PML: variants seen among roughly 807,000 people sequenced by gnomAD.
The protein encoded by PML is protein PML.
A neutral mutation model predicts 65.2 loss-of-function variants in PML; 28 were observed. The ratio of observed to expected loss-of-function variants is 0.43; its 90% CI spans 0.32 to 0.59. The LOEUF is 0.59. PML is among the 20% of genes least tolerant of loss of function. PML has a pLI of 0.08. For missense variants in PML, 1,021 were observed against 1,203.4 expected, an observed-to-expected ratio of 0.85 and a Z score of 2.24; for synonymous variants, 500 against 508.8, an observed-to-expected ratio of 0.98 and a Z score of 0.23.
At chr15:74,030,176 G>C (rs967625027) in intron 4 of PML, among the ~76,000 whole-genome samples, 13 of 152,188 alleles carry the variant, frequency 8.5e-5, no homozygotes, top group African/African-American at 2.7e-4. Flanking sequence ...CCACACAGGA[G>C]GGACAGAGCT....
chr15:73,999,658 A>G (rs1388810763), intron 2 of PML, among the ~76,000 whole-genome samples: 4 of 152,134 alleles, frequency 2.6e-5, no homozygotes, highest in African/African-American at 4.8e-5. Flanking sequence ...GGGACTAATT[A>G]AAGAATTCAG....
intron 5 of PML, 146 bp downstream of exon 5, chr15:74,032,861 C>A: frequency 1.1e-6 from 1 of 925,016 alleles, no homozygotes; most frequent in Non-Finnish European, 1.7e-6. Flanking sequence ...CTGTGCTCTC[C>A]CCTGTTCTTG....
intron 2 of PML, among the ~76,000 whole-genome samples, chr15:74,001,032 G>C (rs569914274): frequency 2.0e-4 from 30 of 152,064 alleles, no homozygotes; most frequent in African/African-American, 7.2e-4. Context: ...ATCTGTTTTG[G>C]CTCTTGTGTC....
Position 73,998,398 on chromosome 15 carries a change from G to A in PML, c.524G>A (p.Arg175His), listed in dbSNP as rs781633419. 2 of 1,613,932 alleles carry A rather than the reference G, an allele frequency of 1.2e-6. No individual in the cohort carries two copies. Among genetic ancestry groups the A allele is most frequent in the African/African-American group, 1.3e-5 (1 of 74,924 alleles). The change falls in exon 2 of 9, where the codon CGT becomes CAT. Residue 175 changes from arginine to histidine, a missense_variant. Coordinates refer to ENST00000268058, the MANE Select transcript of PML (RefSeq NM_033238.3). ...PLAELRNQSV[R>H]EFLDGTRKTN... ...GCAGAGCTGCGCAACCAGTCGGTGC[G>A]TGAGTTCCTGGACGGCACCCGCAAG...
chr15:73,997,698 A>T (rs2069573622), intron 1 of PML, among the ~76,000 whole-genome samples: 1 of 152,190 alleles, frequency 6.6e-6, no homozygotes, highest in Admixed American at 6.5e-5. Flanking sequence ...TGAGGTTGGT[A>T]CTTAGTGTAT....
At chr15:74,027,961 C>A (rs1441931714) in intron 4 of PML, 3 of 152,214 alleles carry the variant, frequency 2.0e-5, no homozygotes, top group African/African-American at 7.2e-5. Context: ...CGTGTTTCTG[C>A]CTTAGAAGGC....
At chr15:73,995,912 C>G (rs958754913) in intron 1 of PML, among the ~76,000 whole-genome samples, 4 of 152,056 alleles carry the variant, frequency 2.6e-5, no homozygotes, top group African/African-American at 4.8e-5. Flanking sequence ...CGCCACCATA[C>G]CTGGCTATTT....
At chr15:74,025,252 G>A (rs377191327) in intron 4 of PML, 19 of 396,944 alleles carry the variant, frequency 4.8e-5, no homozygotes, top group South Asian at 4.1e-4. Flanking sequence ...TGGCATATTA[G>A]TGCCTTCCAG....
Position 74,044,246 on chromosome 15 carries a change from G to A in PML, c.1887G>A (p.Ala629=), listed in dbSNP as rs567363813. The A allele has an allele frequency of 2.4e-5, 38 of 1,613,890 alleles. No individual in the cohort carries two copies. The East Asian group carries it at 3.8e-4, about 16-fold the overall frequency. Residue 629 remains alanine, a synonymous_variant, in exon 9 of 9, where the codon GCG becomes GCA. Coordinates refer to ENST00000268058, the MANE Select transcript of PML (RefSeq NM_033238.3). ...CCCAGAAGATTAGCCAGCTGGCTGC[G>A]GTGAACCGGGAAAGCAAGTTCCGCG... The part of the protein sequence containing the change: ...NETQKISQLA[A]VNRESKFRVV...
chr15:74,039,746 G>A (rs1040066797), intron 7 of PML, among the ~76,000 whole-genome samples: 2 of 152,136 alleles, frequency 1.3e-5, no homozygotes, highest in Non-Finnish European at 2.9e-5. Context: ...CCACTGAATC[G>A]GGGGATTCAT....
intron 2 of PML, among the ~76,000 whole-genome samples, chr15:74,006,865 G>A (rs1476937977): frequency 6.6e-6 from 1 of 152,160 alleles, no homozygotes; most frequent in Non-Finnish European, 1.5e-5. Context: ...AGCAAGAGAA[G>A]GAGATGCCAG....
At chr15:74,007,134 AGAG>A (rs1200560581) in intron 2 of PML, among the ~76,000 whole-genome samples, 6 of 152,188 alleles carry the variant, frequency 3.9e-5, no homozygotes, top group Admixed American at 2.0e-4. Context: ...CTTCCCTGAG[AGAG>A]GAGATTTATG....
chr15:74,000,679 T>C (rs1301288610), intron 2 of PML, among the ~76,000 whole-genome samples: 2 of 152,122 alleles, frequency 1.3e-5, no homozygotes, highest in Non-Finnish European at 2.9e-5. Flanking sequence ...ATGTAAAGAG[T>C]TGTTTTACTA....
intron 2 of PML, among the ~76,000 whole-genome samples, chr15:74,007,470 TCA>T (rs773868051): frequency 2.6e-5 from 4 of 152,218 alleles, no homozygotes; most frequent in Non-Finnish European, 4.4e-5. Context: ...TCACATTGTT[TCA>T]CAATTTACCA....
At position 74,044,307 on chromosome 15, in the gene PML, T is replaced by C. The variant is rs2071745920; in HGVS notation, c.1948T>C (p.Ser650Pro). The change falls in exon 9 of 9, where the codon TCC becomes CCC. Residue 650 changes from serine (S) to proline (P), a missense_variant. Coordinates refer to ENST00000268058, the MANE Select transcript of PML (RefSeq NM_033238.3). ...IQPEAFFSIY[S>P]KAVSLEVGLQ... ...GCCTGAAGCCTTCTTCAGCATCTAC[T>C]CCAAGGCCGTGTCCCTGGAGGTGGG... 1 of 1,614,016 alleles carries C rather than the reference T, an allele frequency of 6.2e-7. No homozygotes were observed.
At chr15:74,034,574 A>G (rs1395270369) in intron 7 of PML, 44 bp downstream of exon 7, 1 of 1,613,964 alleles carries the variant, frequency 6.2e-7, no homozygotes, top group South Asian at 1.1e-5. Flanking sequence ...GCCTCCCCCC[A>G]TTTCAGGTCC....
intron 2 of PML, among the ~76,000 whole-genome samples, chr15:74,002,017 AAG>A (rs1440448647): frequency 6.6e-6 from 1 of 151,974 alleles, no homozygotes; most frequent in Non-Finnish European, 1.5e-5. Flanking sequence ...AAAAAAAAAA[AAG>A]AAATTTTTTT....
In PML at chr15:74,023,047, G is replaced by A; in HGVS notation, c.822G>A (p.Glu274=). The change falls in exon 3 of 9, where the codon GAG becomes GAA. Residue 274 remains glutamate, a synonymous_variant. Coordinates refer to ENST00000268058, the MANE Select transcript of PML (RefSeq NM_033238.3). The part of the protein sequence containing the change: ...AVGQLGRARA[E]TEELIRERVR... ...GCCAGCTGGGCCGCGCGCGTGCCGA[G>A]ACCGAGGAGCTGATCCGCGAGCGCG... 3 of 1,604,362 alleles carry A rather than the reference G, an allele frequency of 1.9e-6. No individual in the cohort carries two copies. Among genetic ancestry groups the A allele is most frequent in the Non-Finnish European group, 2.5e-6 (3 of 1,178,352 alleles).
At chr15:74,034,616 G>C in intron 7 of PML, 86 bp downstream of exon 7, 3 of 1,613,920 alleles carry the variant, frequency 1.9e-6, no homozygotes, top group Non-Finnish European at 2.5e-6. Context: ...GTGACTCTCA[G>C]ACTTGCCTTG....
Sources: gnomAD v4.1 joint callset for allele counts (sites outside exome capture counted in the v4.1 genomes callset) on GRCh38, gnomAD v4.1.1 for gene constraint, MANE v1.5 for transcripts, NCBI Gene and HGNC (gene_info 2026-07-23, HGNC 2026-07-21) for gene names.